Variants in TTYH2 observed in about 807,000 individuals in gnomAD.
The protein encoded by TTYH2 is protein tweety homolog 2.
In TTYH2, 49 loss-of-function variants were observed where a neutral mutation model predicts 68.3. That is an observed-to-expected ratio of 0.72 (90% confidence interval 0.57 to 0.91). The LOEUF is 0.91. Among genes scored for constraint, TTYH2 ranks in the 40% least tolerant of loss-of-function variants. The pLI is 0.00. For synonymous variants in TTYH2, 272 were observed against 300.8 expected (o/e 0.90, Z 0.99); for missense variants, 631 against 700.4 (o/e 0.90, Z 1.12).
chr17:74,215,741 T>C lies in TTYH2; in HGVS notation c.129+2025T>C. 3.3e-6 allele frequency: 5 copies of C among 1,524,230 alleles called. No individual in the cohort carries two copies. Among genetic ancestry groups the C allele is most frequent in the Non-Finnish European group, 4.4e-6 (5 of 1,136,462 alleles). The allele number at this position is 1,524,230 out of a possible 1,614,324, so 94.4% of individuals were successfully genotyped here. A position where few individuals can be genotyped will look rare whatever the true frequency, so the allele number is the denominator to read the frequency against. ...AGTTCCCCTGTTGTGACCACAGGTCTCTCCTGGATGTCTTCTTTCCTCCTG... is the reference window on the plus strand; with the variant it reads ...AGTTCCCCTGTTGTGACCACAGGTCCCTCCTGGATGTCTTCTTTCCTCCTG... On this transcript the variant is annotated intron_variant, in intron 1 of 13. Coordinates refer to ENST00000269346, the MANE Select transcript of TTYH2 (RefSeq NM_032646.6). This position sits in a 1 kb window ranked among gnomAD's most constrained non-coding sequence, Gnocchi z 4.3.
rs2050400557 is a variant in TTYH2 at position 74,232,528 on chromosome 17, G to A, written c.414+1529G>A. ...GAGGAGCTGAGGGACAGCCAGCTCA[G>A]GCCTGGGAGGCAGAGGTGTGGCCTG... On this transcript the variant is annotated intron_variant, in intron 3 of 13. Coordinates refer to ENST00000269346, the MANE Select transcript of TTYH2 (RefSeq NM_032646.6). The surrounding 1 kb of genome is among the most constrained non-coding windows in gnomAD (Gnocchi z 5.1). Among the ~76,000 whole-genome samples the A allele has an allele frequency of 1.3e-5, 2 of 152,198 alleles. No individual in the cohort carries two copies. The highest frequency in any genetic ancestry group is 3.9e-4 in the East Asian group (2 of 5,192).
chr17:74,241,300 T>C lies in TTYH2; in HGVS notation c.636-2074T>C, dbSNP rs1039338696. On this transcript the variant is annotated intron_variant, in intron 4 of 13. Transcript: ENST00000269346. The surrounding 1 kb of genome is among the most constrained non-coding windows in gnomAD (Gnocchi z 4.1). ...GTGTGTGTGTGTGTGTGTGTGTGCG[T>C]GTAAAAATAAGAATGTGATCCAAAC... Among the ~76,000 whole-genome samples the C allele has an allele frequency of 6.7e-6, 1 of 149,534 alleles. No individual in the cohort carries two copies. Among genetic ancestry groups the C allele is most frequent in the Non-Finnish European group, 1.5e-5 (1 of 67,598 alleles).
At chr17:74,259,774 C>T (rs949926427) in intron 13 of TTYH2, among the ~76,000 whole-genome samples, 1 of 152,148 alleles carries the variant, frequency 6.6e-6, no homozygotes, top group Non-Finnish European at 1.5e-5. Context: ...GTAAGATGCA[C>T]AGCTGGGATT....
At chr17:74,253,002 A>G (rs1036875133) in intron 11 of TTYH2, 79 bp from the exon 12 acceptor site, 78 of 1,477,416 alleles carry the variant, frequency 5.3e-5, no homozygotes, top group Non-Finnish European at 7.2e-5. Flanking sequence ...GAGGAAAGGC[A>G]GGGAAGTAGG....
chr17:74,255,460 A>AT (rs536432576), intron 13 of TTYH2, among the ~76,000 whole-genome samples: 1,824 of 150,214 alleles, frequency 0.012, 28 homozygotes, highest in African/African-American at 0.038. Context: ...TTTATTTTTT[A>AT]TTTTTTTTTG....
chr17:74,220,602 A>C (rs2050265943), intron 1 of TTYH2, among the ~76,000 whole-genome samples: 1 of 152,198 alleles, frequency 6.6e-6, no homozygotes, highest in African/African-American at 2.4e-5. Flanking sequence ...ACTGAGGACC[A>C]GAAGAGGGGC....
intron 10 of TTYH2, among the ~76,000 whole-genome samples, chr17:74,251,354 GTGTGTGTGCA>G (rs2050626470): frequency 3.7e-5 from 2 of 53,396 alleles, no homozygotes; most frequent in African/African-American, 2.2e-4. Context: ...TGTGGTGCAT[GTGTGTGTGCA>G]TGTGGGGGGT....
Position 74,243,428 on chromosome 17 carries a change from C to T in TTYH2, c.690C>T (p.Ala230=). ...TGGACCTGGTCATCTGCCTCATTGC[C>T]TGCCTGGGACTGGCCAAGCGCTCCA... ...FILDLVICLI[A]CLGLAKRSKC... is the part of the protein sequence containing the mutation. Residue 230 remains alanine (A), a synonymous_variant, in exon 5 of 14, where the codon GCC becomes GCT. Coordinates refer to ENST00000269346, the MANE Select transcript of TTYH2 (RefSeq NM_032646.6). The T allele has an allele frequency of 6.2e-7, 1 of 1,614,232 alleles. No homozygotes were observed. Among genetic ancestry groups the T allele is most frequent in the Non-Finnish European group, 8.5e-7 (1 of 1,180,046 alleles).
At chr17:74,220,113 T>A (rs780275008) in intron 1 of TTYH2, among the ~76,000 whole-genome samples, 7 of 152,104 alleles carry the variant, frequency 4.6e-5, no homozygotes, top group Non-Finnish European at 8.8e-5. Context: ...CCCCAGTAGC[T>A]GGGATTGCAA....
chr17:74,247,832 A>AGTGT (rs568660765), intron 6 of TTYH2: 85 of 152,256 alleles, frequency 5.6e-4, no homozygotes, highest in African/African-American at 1.8e-3. Flanking sequence ...CAGGGTCTTA[A>AGTGT]GTGCGTGCGT....
intron 1 of TTYH2, among the ~76,000 whole-genome samples, chr17:74,219,380 T>C (rs2050253289): frequency 9.1e-6 from 1 of 109,602 alleles, no homozygotes; most frequent in African/African-American, 1.3e-4. Context: ...AGAGCAAGAC[T>C]CCGTGTCAAA....
At chr17:74,220,199 C>T (rs772022569) in intron 1 of TTYH2, among the ~76,000 whole-genome samples, 1 of 152,176 alleles carries the variant, frequency 6.6e-6, no homozygotes, top group Non-Finnish European at 1.5e-5. Context: ...GCCTCAGGGG[C>T]TGCCAAGGGG....
rs2050495008 is a variant in TTYH2 at position 74,241,055 on chromosome 17, A to G, written c.636-2319A>G. The stretch of plus-strand genomic sequence containing the variant: ...CCCTGTAGCTGGCTGTGTCCCTTGC[A>G]GGAAGCTTGATGTAGACAATGTGGA... On this transcript the variant is annotated intron_variant, in intron 4 of 13. Coordinates refer to ENST00000269346, the MANE Select transcript of TTYH2 (RefSeq NM_032646.6). This position sits in a 1 kb window ranked among gnomAD's most constrained non-coding sequence, Gnocchi z 4.1. 3 of 152,250 alleles carry G rather than the reference A, an allele frequency of 2.0e-5. No homozygotes were observed. The highest frequency in any genetic ancestry group is 4.4e-5 in the Non-Finnish European group (3 of 68,108). 9.4% of individuals were successfully genotyped at this position (152,250 alleles called of 1,614,324 possible). A position where few individuals can be genotyped will look rare whatever the true frequency, so the allele number is the denominator to read the frequency against.
At chr17:74,256,882 C>G (rs1189818748) in intron 13 of TTYH2, 1 of 152,222 alleles carries the variant, frequency 6.6e-6, no homozygotes. Flanking sequence ...CTCCTGGCCT[C>G]AAGTGATGCA....
rs2050195875 is a variant in TTYH2 at position 74,213,832 on chromosome 17, C to T, written c.129+116C>T. ...GCCTCTCAGACCCCTTCTCTCCCCG[C>T]GCAGCCCTTTCCCGTCTCCCCTCTC... On this transcript the variant is annotated intron_variant, in intron 1 of 13. Transcript: ENST00000269346. The surrounding 1 kb of genome is among the most constrained non-coding windows in gnomAD (Gnocchi z 6.1). 2.3e-6 allele frequency: 3 copies of T among 1,330,088 alleles called. No individual in the cohort carries two copies. Among genetic ancestry groups the T allele is most frequent in the Admixed American group, 2.2e-5 (1 of 45,622 alleles). 82.4% of individuals were successfully genotyped at this position (1,330,088 alleles called of 1,614,324 possible).
chr17:74,219,179 T>G (rs2050250601), intron 1 of TTYH2, among the ~76,000 whole-genome samples: 1 of 147,768 alleles, frequency 6.8e-6, no homozygotes, highest in Non-Finnish European at 1.5e-5. Flanking sequence ...ATCACGCTGC[T>G]GCACTCCAGC....
At position 74,253,764 on chromosome 17, in the gene TTYH2, C is replaced by T; in HGVS notation, c.1455C>T (p.Ala485=). The T allele has an allele frequency of 6.2e-7, 1 of 1,614,192 alleles. No homozygotes were observed. The highest frequency in any genetic ancestry group is 8.5e-7 in the Non-Finnish European group (1 of 1,180,034). ...CCTCTCATCCCCGCAGGAACCAAGC[C>T]ATGCTCTTTGGTAGGAACCCACGCT... ...NAPVSEYMNQ[A]MLFGRNPRYE... Residue 485 remains alanine, a synonymous_variant, in exon 13 of 14, where the codon GCC becomes GCT. Transcript: ENST00000269346.
rs78463727 is a variant in TTYH2 at position 74,260,433 on chromosome 17, C to T, written c.*224C>T. 8.1e-5 allele frequency: 45 copies of T among 558,116 alleles called. No individual in the cohort carries two copies. The Middle Eastern group carries it at 1.9e-3, about 24-fold the overall frequency. 34.6% of individuals were successfully genotyped at this position (558,116 alleles called of 1,614,324 possible). A position where few individuals can be genotyped will look rare whatever the true frequency, so the allele number is the denominator to read the frequency against. On this transcript the variant is annotated 3_prime_UTR_variant, in exon 14 of 14. Coordinates refer to ENST00000269346, the MANE Select transcript of TTYH2 (RefSeq NM_032646.6). ...GCCCTGCTCTCCACACCAGAAATGC[C>T]CCCAGGTGCTTGGCTGCCTCAGAGG...
chr17:74,255,530 C>A (rs2050685119), intron 13 of TTYH2, among the ~76,000 whole-genome samples: 1 of 152,132 alleles, frequency 6.6e-6, no homozygotes, highest in South Asian at 2.1e-4. Context: ...CAGCTCACTA[C>A]AACCTCCACC....
Sources: gnomAD v4.1 joint callset for allele counts (sites outside exome capture counted in the v4.1 genomes callset) on GRCh38, gnomAD v4.1.1 for gene constraint, Gnocchi (gnomAD v3.1) non-coding constraint, MANE v1.5 for transcripts, NCBI Gene and HGNC (gene_info 2026-07-23, HGNC 2026-07-21) for gene names.